The following C8orf34 variants were observed in gnomAD, a reference collection of about 807,000 sequenced individuals.
C8orf34 encodes chromosome 8 open reading frame 34, also known as uncharacterized protein C8orf34.
Under a neutral mutation model 68.3 loss-of-function variants are expected in C8orf34, and 65 were observed. The ratio of observed to expected loss-of-function variants is 0.95; its 90% CI spans 0.78 to 1.17. The LOEUF is 1.17. C8orf34 is among the 50% of genes most tolerant of loss of function. C8orf34 has a pLI of 0.00. For synonymous variants in C8orf34, 244 were observed against 241.2 expected (o/e 1.01, Z -0.11); for missense variants, 664 against 655.4 (o/e 1.01, Z -0.14).
intron 8 of C8orf34, among the ~76,000 whole-genome samples, chr8:68,700,127 A>G (rs1019423026): frequency 1.2e-4 from 19 of 152,124 alleles, no homozygotes; most frequent in African/African-American, 4.3e-4. Context: ...CCACAGCAAG[A>G]GTGCCTACCG....
At chr8:68,473,414 G>A (rs1002490304) in intron 4 of C8orf34, among the ~76,000 whole-genome samples, 2 of 152,128 alleles carry the variant, frequency 1.3e-5, no homozygotes, top group Non-Finnish European at 2.9e-5. Flanking sequence ...CTTGGCAGGT[G>A]CCATGTTGTC....
At chr8:68,445,816 C>CA (rs1811096581) in intron 2 of C8orf34, among the ~76,000 whole-genome samples, 1 of 152,036 alleles carries the variant, frequency 6.6e-6, no homozygotes, top group South Asian at 2.1e-4. Context: ...TTCTTTTTGA[C>CA]AGAGTCTCTA....
chr8:68,422,952 C>T lies in C8orf34; in HGVS notation c.328-16547C>T, dbSNP rs139323349. ...GAGCTATACCTTGGCCCCTTTTAGCCGTGGCTGGAGCCAAAGCAGCTGGGA... is the reference window on the plus strand; with the variant it reads ...GAGCTATACCTTGGCCCCTTTTAGCTGTGGCTGGAGCCAAAGCAGCTGGGA... On this transcript the variant is annotated intron_variant, in intron 1 of 13. Coordinates refer to ENST00000518698, the MANE Select transcript of C8orf34 (RefSeq NM_052958.4). Among the ~76,000 whole-genome samples the T allele has an allele frequency of 2.2e-3, 329 of 152,312 alleles. 1 individual carries two copies. The highest frequency in any genetic ancestry group is 7.5e-3 in the African/African-American group (310 of 41,578).
intron 10 of C8orf34, among the ~76,000 whole-genome samples, chr8:68,760,941 A>T (rs1823007562): frequency 6.6e-6 from 1 of 152,164 alleles, no homozygotes; most frequent in South Asian, 2.1e-4. Context: ...ATGGATTCCT[A>T]GCTCTACCTT....
intron 11 of C8orf34, among the ~76,000 whole-genome samples, chr8:68,784,554 A>G (rs1256079486): frequency 2.6e-5 from 4 of 152,358 alleles, no homozygotes; most frequent in South Asian, 4.1e-4. Flanking sequence ...TTAAGGGTGG[A>G]GAATTTACAT....
At chr8:68,492,444 G>A (rs1281128781) in intron 5 of C8orf34, among the ~76,000 whole-genome samples, 4 of 151,846 alleles carry the variant, frequency 2.6e-5, no homozygotes, top group African/African-American at 9.7e-5. Context: ...GCTCAAGCTT[G>A]TCTCAAACTC....
chr8:68,691,519 A>T (rs186525418), intron 8 of C8orf34, among the ~76,000 whole-genome samples: 156 of 152,240 alleles, frequency 1.0e-3, no homozygotes, highest in Middle Eastern at 6.8e-3. Context: ...CTTCAAACTG[A>T]TAAGTGAATT....
chr8:68,591,082 G>GAACTT (rs1817375155), intron 7 of C8orf34, among the ~76,000 whole-genome samples: 1 of 152,136 alleles, frequency 6.6e-6, no homozygotes, highest in South Asian at 2.1e-4. Flanking sequence ...AAGGTCGTCA[G>GAACTT]GTCTTGAGAA....
intron 7 of C8orf34, among the ~76,000 whole-genome samples, chr8:68,630,486 A>T (rs1818659103): frequency 6.6e-6 from 1 of 152,160 alleles, no homozygotes; most frequent in African/African-American, 2.4e-5. Flanking sequence ...ACAGTTCTAC[A>T]GTATATTGAA....
chr8:68,457,847 A>T (rs2129628358), intron 3 of C8orf34, among the ~76,000 whole-genome samples: 1 of 152,008 alleles, frequency 6.6e-6, no homozygotes, highest in African/African-American at 2.4e-5. Context: ...TCTATTTTTC[A>T]TTTTCCCTGT....
At chr8:68,352,286 T>C (rs1806543217) in intron 1 of C8orf34, among the ~76,000 whole-genome samples, 1 of 152,060 alleles carries the variant, frequency 6.6e-6, no homozygotes, top group Non-Finnish European at 1.5e-5. Flanking sequence ...AAAGTTACAT[T>C]ATTATATTAA....
intron 7 of C8orf34, among the ~76,000 whole-genome samples, chr8:68,623,247 C>T (rs1391171970): frequency 6.6e-6 from 1 of 152,138 alleles, no homozygotes; most frequent in Non-Finnish European, 1.5e-5. Flanking sequence ...TTGTCTTATA[C>T]CTATGTATTT....
intron 12 of C8orf34, among the ~76,000 whole-genome samples, chr8:68,815,439 C>T (rs1824781687): frequency 6.6e-6 from 1 of 152,022 alleles, no homozygotes; most frequent in Non-Finnish European, 1.5e-5. Flanking sequence ...TAATATGGTA[C>T]TAATTTATAA....
intron 10 of C8orf34, among the ~76,000 whole-genome samples, chr8:68,769,319 CCCT>C (rs1387044719): frequency 1.3e-5 from 2 of 151,150 alleles, no homozygotes; most frequent in Non-Finnish European, 3.0e-5. Context: ...TTTAAACTTT[CCCT>C]CTTTTTCACT....
intron 1 of C8orf34, among the ~76,000 whole-genome samples, chr8:68,410,070 A>G (rs1033850677): frequency 5.3e-5 from 8 of 152,170 alleles, no homozygotes; most frequent in Non-Finnish European, 1.2e-4. Flanking sequence ...GCCCAACAAC[A>G]CATTTCTCAG....
chr8:68,673,356 G>T (rs2130849340), intron 8 of C8orf34, among the ~76,000 whole-genome samples: 1 of 152,104 alleles, frequency 6.6e-6, no homozygotes, highest in South Asian at 2.1e-4. Context: ...TTCCAGGCGT[G>T]TGCTCTTGGA....
chr8:68,803,634 C>T (rs533975655), intron 12 of C8orf34, among the ~76,000 whole-genome samples: 11 of 151,912 alleles, frequency 7.2e-5, no homozygotes, highest in South Asian at 2.1e-4. Context: ...AAAATTTCTA[C>T]GATAATCAGG....
chr8:68,778,104 T>A (rs889358169), intron 11 of C8orf34, among the ~76,000 whole-genome samples: 2 of 152,192 alleles, frequency 1.3e-5, no homozygotes, highest in Non-Finnish European at 2.9e-5. Flanking sequence ...TCACAGACAA[T>A]CCATTTATGT....
At chr8:68,432,749 ACT>A (rs1250027579) in intron 1 of C8orf34, among the ~76,000 whole-genome samples, 12 of 152,024 alleles carry the variant, frequency 7.9e-5, no homozygotes, top group African/African-American at 9.7e-5. Flanking sequence ...GTCAGGGAAG[ACT>A]CTGACAGAAA....
Sources: allele counts gnomAD v4.1 joint callset (sites outside exome capture counted in the v4.1 genomes callset), GRCh38; gene constraint gnomAD v4.1.1; transcripts MANE v1.5; gene names NCBI Gene and HGNC (gene_info 2026-07-23, HGNC 2026-07-21).